The following LINGO2 variants were observed in gnomAD, a reference collection of about 807,000 sequenced individuals.
LINGO2 encodes the protein leucine rich repeat and Ig domain containing 2, also known as leucine-rich repeat and immunoglobulin-like domain-containing nogo receptor-interacting protein 2.
A neutral mutation model predicts 30.6 loss-of-function variants in LINGO2; 14 were observed. That is an observed-to-expected ratio of 0.46 (90% CI 0.30 to 0.72). LINGO2 has a LOEUF of 0.72. Among genes scored for constraint, LINGO2 ranks in the 30% least tolerant of loss-of-function variants. LINGO2 has a pLI of 0.07. For missense variants in LINGO2, 729 were observed against 751.7 expected, an observed-to-expected ratio of 0.97 and a Z score of 0.35; for synonymous variants, 317 against 288.5, an observed-to-expected ratio of 1.10 and a Z score of -1.00.
chr9:28,957,168 C>T, the LINGO2 span, among the ~76,000 whole-genome samples: 1 of 152,134 alleles, frequency 6.6e-6, no homozygotes, highest in Non-Finnish European at 1.5e-5. Flanking sequence ...ATATCATCAG[C>T]ATCGCACTAA....
At chr9:28,052,525 G>T (rs1824724451) in intron 4 of LINGO2, among the ~76,000 whole-genome samples, 1 of 151,998 alleles carries the variant, frequency 6.6e-6, no homozygotes, top group Admixed American at 6.6e-5. Flanking sequence ...AGCACCATCT[G>T]CCAGAGATGA....
chr9:28,684,145 T>A, the LINGO2 span, among the ~76,000 whole-genome samples: 4 of 150,844 alleles, frequency 2.7e-5, no homozygotes, highest in Non-Finnish European at 5.9e-5. Context: ...AAAAATATTT[T>A]CAGTTTAGAC....
the LINGO2 span, among the ~76,000 whole-genome samples, chr9:28,788,216 T>C: frequency 6.6e-6 from 1 of 152,164 alleles, no homozygotes; most frequent in African/African-American, 2.4e-5. Flanking sequence ...AAAAAATTCA[T>C]TAAAAAGCCA....
At chr9:28,988,936 T>C in the LINGO2 span, among the ~76,000 whole-genome samples, 4 of 152,348 alleles carry the variant, frequency 2.6e-5, no homozygotes, top group Non-Finnish European at 4.4e-5. Context: ...CTATGGATAG[T>C]TTCTCATTGA....
chr9:29,150,420 C>A, the LINGO2 span, among the ~76,000 whole-genome samples: 1 of 152,080 alleles, frequency 6.6e-6, no homozygotes, highest in Non-Finnish European at 1.5e-5. Context: ...GGTTCTTAAC[C>A]AGTTTGAAAG....
At chr9:29,212,388 C>T in the LINGO2 span, among the ~76,000 whole-genome samples, 1 of 151,908 alleles carries the variant, frequency 6.6e-6, no homozygotes, top group African/African-American at 2.4e-5. Context: ...CAGCAGGCGA[C>T]CTGCGGCGCC....
intron 2 of LINGO2, among the ~76,000 whole-genome samples, chr9:28,464,944 C>G (rs1478847384): frequency 3.9e-5 from 6 of 152,188 alleles, no homozygotes; most frequent in Non-Finnish European, 5.9e-5. Context: ...CCGCAGTGCT[C>G]AAAACCCTTG....
At chr9:28,628,565 T>G (rs1161800997) in intron 1 of LINGO2, among the ~76,000 whole-genome samples, 4 of 152,084 alleles carry the variant, frequency 2.6e-5, no homozygotes, top group African/African-American at 9.7e-5. Context: ...GGCTTTTATT[T>G]TGGGGGCAAG....
intron 1 of LINGO2, among the ~76,000 whole-genome samples, chr9:28,632,765 T>C (rs959299199): frequency 1.7e-4 from 24 of 138,444 alleles, no homozygotes; most frequent in Non-Finnish European, 3.2e-4. Context: ...TATATATAGA[T>C]TTATATATTA....
At chr9:28,075,527 T>C (rs965810974) in intron 4 of LINGO2, among the ~76,000 whole-genome samples, 1 of 151,992 alleles carries the variant, frequency 6.6e-6, no homozygotes. Context: ...ACACCAGATA[T>C]GTATGCATGT....
the LINGO2 span, among the ~76,000 whole-genome samples, chr9:28,932,031 C>A: frequency 6.6e-6 from 1 of 151,272 alleles, no homozygotes. Context: ...TCGCCTGAAC[C>A]GGGAGGCGAA....
the LINGO2 span, among the ~76,000 whole-genome samples, chr9:28,833,078 A>G: frequency 1.3e-5 from 2 of 152,168 alleles, no homozygotes; most frequent in Non-Finnish European, 1.5e-5. Context: ...ATTTATAACT[A>G]AAGTTTTGAG....
At chr9:28,775,923 C>G in the LINGO2 span, among the ~76,000 whole-genome samples, 1 of 152,126 alleles carries the variant, frequency 6.6e-6, no homozygotes, top group Non-Finnish European at 1.5e-5. Flanking sequence ...CATCATATAT[C>G]TTCTCCTTTG....
chr9:28,726,748 G>C, the LINGO2 span, among the ~76,000 whole-genome samples: 1 of 152,182 alleles, frequency 6.6e-6, no homozygotes, highest in Non-Finnish European at 1.5e-5. Context: ...AATAGATGTA[G>C]TGTAATTTAC....
At chr9:28,036,622 A>G (rs1823948490) in intron 4 of LINGO2, among the ~76,000 whole-genome samples, 1 of 152,216 alleles carries the variant, frequency 6.6e-6, no homozygotes, top group Admixed American at 6.5e-5. Context: ...AAGAATGACA[A>G]AGGGACAAGA....
chr9:28,877,054 G>T, the LINGO2 span, among the ~76,000 whole-genome samples: 1 of 151,126 alleles, frequency 6.6e-6, no homozygotes, highest in Non-Finnish European at 1.5e-5. Flanking sequence ...GTCTTCTTTT[G>T]AAAAGTGTCT....
intron 1 of LINGO2, among the ~76,000 whole-genome samples, chr9:28,549,208 A>T (rs1273810659): frequency 6.6e-6 from 1 of 152,236 alleles, no homozygotes; most frequent in Non-Finnish European, 1.5e-5. Context: ...TGTGTGTTTA[A>T]ATCTTACATA....
At chr9:28,764,631 A>C in the LINGO2 span, among the ~76,000 whole-genome samples, 1 of 151,964 alleles carries the variant, frequency 6.6e-6, no homozygotes, top group Non-Finnish European at 1.5e-5. Flanking sequence ...TATTCAATAT[A>C]GTACTGGAAA....
the LINGO2 span, among the ~76,000 whole-genome samples, chr9:29,192,855 T>C: frequency 7.9e-5 from 12 of 152,302 alleles, no homozygotes; most frequent in East Asian, 1.9e-3. Context: ...ATGTTGGCTG[T>C]GGGGACAAGT....
Sources: gnomAD v4.1 joint callset for allele counts (sites outside exome capture counted in the v4.1 genomes callset) on GRCh38, gnomAD v4.1.1 for gene constraint, MANE v1.5 for transcripts, NCBI Gene and HGNC (gene_info 2026-07-23, HGNC 2026-07-21) for gene names.